The following MEP1B variants were observed in gnomAD, a reference collection of about 807,000 sequenced individuals.
MEP1B encodes N-benzoyl-L-tyrosyl-P-amino-benzoic acid hydrolase subunit beta.
A neutral mutation model predicts 84.6 loss-of-function variants in MEP1B; 80 were observed. The observed-to-expected ratio is 0.95, with a 90% CI of 0.79 to 1.14. The LOEUF (loss-of-function observed/expected upper bound fraction) is 1.14. MEP1B is among the 50% of genes most tolerant of loss of function. The probability of loss-of-function intolerance (pLI) is 0.00; values close to 1 mark genes in which losing one functional copy is unlikely to be tolerated. For missense variants in MEP1B, 766 were observed against 855.1 expected (o/e 0.90, Z 1.30); for synonymous variants, 273 against 288.1 (o/e 0.95, Z 0.53).
chr18:32,217,809 G>C lies in MEP1B; in HGVS notation c.1935G>C (p.Lys645Asn). ...GGTACATGGGAGAAAGGTGTGAAAA[G>C]AGAGGCTCCACCCGAGACACCATAG... is the stretch of plus-strand genomic sequence containing the variant. ...DWWYMGERCE[K>N]RGSTRDTIVI... is the part of the protein sequence containing the mutation. The change falls in exon 14 of 15, where the codon AAG becomes AAC. Residue 645 changes from lysine (K) to asparagine (N), a missense_variant. Transcript: ENST00000269202. 6.2e-7 allele frequency: 1 copy of C among 1,613,864 alleles called. No individual in the cohort carries two copies. The highest frequency in any genetic ancestry group is 8.5e-7 in the Non-Finnish European group (1 of 1,179,864).
intron 11 of MEP1B, among the ~76,000 whole-genome samples, chr18:32,214,016 G>T (rs904609409): frequency 6.6e-6 from 1 of 152,168 alleles, no homozygotes; most frequent in African/African-American, 2.4e-5. Flanking sequence ...CTGTGGAAAG[G>T]CCTGCGGTGG....
At chr18:32,213,060 G>T in intron 10 of MEP1B, 56 bp from the exon 11 acceptor site, 1 of 1,485,516 alleles carries the variant, frequency 6.7e-7, no homozygotes, top group South Asian at 1.2e-5. Flanking sequence ...ATCTAATGTT[G>T]ACATGTACAT....
chr18:32,208,167 T>C lies in MEP1B; in HGVS notation c.815T>C (p.Val272Ala). The change falls in exon 9 of 15, where the codon GTG becomes GCG. Residue 272 changes from valine (V) to alanine (A), a missense_variant. Physicochemically the swap from Val to Ala is moderately conservative, Grantham distance 64 (BLOSUM62 0). Coordinates refer to ENST00000269202, the MANE Select transcript of MEP1B (RefSeq NM_005925.3). ...MDSCSFELEN[V>A]CGMIQSSGDN... Reference sequence around the variant, plus strand: ...TCGTGCAGTTTTGAACTGGAAAATGTGTGTGGCATGATCCAAAGTTCAGGA... The same window carrying C: ...TCGTGCAGTTTTGAACTGGAAAATGCGTGTGGCATGATCCAAAGTTCAGGA... 1.2e-6 allele frequency: 2 copies of C among 1,614,012 alleles called. No homozygotes were observed. Among genetic ancestry groups the C allele is most frequent in the Non-Finnish European group, 1.7e-6 (2 of 1,179,882 alleles).
intron 9 of MEP1B, among the ~76,000 whole-genome samples, chr18:32,209,094 G>C (rs921133375): frequency 1.3e-5 from 2 of 152,152 alleles, no homozygotes; most frequent in African/African-American, 4.8e-5. Flanking sequence ...GTTCCCTAAT[G>C]TTGTCTCTTT....
intron 9 of MEP1B, among the ~76,000 whole-genome samples, chr18:32,209,070 G>A (rs2040995383): frequency 6.6e-6 from 1 of 152,178 alleles, no homozygotes. Context: ...ACTAATTTCT[G>A]TGGTAAGGGA....
At chr18:32,203,123 T>C (rs1181421765) in intron 6 of MEP1B, 113 bp downstream of exon 6, 5 of 583,166 alleles carry the variant, frequency 8.6e-6, no homozygotes, top group Non-Finnish European at 1.5e-5. Context: ...GGGGACTTTC[T>C]TGCTAGTTGC....
At position 32,196,337 on chromosome 18, in the gene MEP1B, C is replaced by T. The variant is rs998731613; in HGVS notation, c.250+852C>T. On this transcript the variant is annotated intron_variant, in intron 5 of 14. Coordinates refer to ENST00000269202, the MANE Select transcript of MEP1B (RefSeq NM_005925.3). The surrounding 1 kb of genome is among the most constrained non-coding windows in gnomAD (Gnocchi z 4.4). ...CCGTTGCGGTAGATCTCATGCATGG[C>T]GCGCCGCAGGGCCACGGCCAGCTGG... is the stretch of plus-strand genomic sequence containing the variant. 3.6e-5 allele frequency: 25 copies of T among 702,394 alleles called. No homozygotes were observed. The highest frequency in any genetic ancestry group is 2.5e-4 in the African/African-American group (14 of 57,108). 43.5% of individuals were successfully genotyped at this position (702,394 alleles called of 1,614,324 possible).
rs182836476 is a variant in MEP1B, at chr18:32,197,498, C to T, written c.250+2013C>T. On this transcript the variant is annotated intron_variant, in intron 5 of 14. Coordinates refer to ENST00000269202, the MANE Select transcript of MEP1B (RefSeq NM_005925.3). ...GCAGTGGCATAATCTCGGCTCACTG[C>T]AGCTTCTACCTCCCAGGTTTTGGCG... Among the ~76,000 whole-genome samples the T allele has an allele frequency of 8.5e-4, 129 of 151,078 alleles. 1 individual carries two copies. The highest frequency in any genetic ancestry group is 3.0e-3 in the African/African-American group (123 of 41,150).
chr18:32,203,268 C>A, intron 6 of MEP1B: 1 of 348,182 alleles, frequency 2.9e-6, no homozygotes. Flanking sequence ...TGAATTTCAG[C>A]CCGTTTGTAA....
chr18:32,217,241 A>G (rs776735826), intron 13 of MEP1B, 124 bp downstream of exon 13: 216 of 1,172,728 alleles, frequency 1.8e-4, no homozygotes, highest in Non-Finnish European at 2.4e-4. Flanking sequence ...ACAGCCATTC[A>G]TAGAATTTTT....
chr18:32,208,058 T>C, intron 8 of MEP1B, 61 bp from the exon 9 acceptor site: 1 of 1,564,374 alleles, frequency 6.4e-7, no homozygotes, highest in Non-Finnish European at 8.8e-7. Flanking sequence ...ATAAGTTCAG[T>C]TTTTGTTACT....
rs1286457139 is a variant in MEP1B at position 32,215,711 on chromosome 18, C to A, written c.1759+450C>A. 2.6e-5 allele frequency among the ~76,000 whole-genome samples: 4 copies of A among 152,176 alleles called. No individual in the cohort carries two copies. In the East Asian group the frequency reaches 7.7e-4, roughly 29 times the overall value. ...TGGTGGCGGGCGCCTGTAGTCCCAG[C>A]TACTCGGGAGGCTGAGGCAGGAGAA... On this transcript the variant is annotated intron_variant, in intron 12 of 14. Coordinates refer to ENST00000269202, the MANE Select transcript of MEP1B (RefSeq NM_005925.3).
In MEP1B at chr18:32,213,442, T is replaced by C. The variant is rs1219128547; in HGVS notation, c.1462T>C (p.Leu488=). 4 of 1,613,702 alleles carry C rather than the reference T, an allele frequency of 2.5e-6. No individual in the cohort carries two copies. In the South Asian group the frequency reaches 4.4e-5, roughly 18 times the overall value. The change falls in exon 11 of 15, where the codon TTA becomes CTA. Residue 488 remains leucine (L), a synonymous_variant. Coordinates refer to ENST00000269202, the MANE Select transcript of MEP1B (RefSeq NM_005925.3). ...HLISGANDDQ[L]QWPCPWQQAT... ...GATCTCTGGAGCCAATGATGATCAA[T>C]TACAGTGGCCATGTCCTTGGCAACA...
In MEP1B at chr18:32,191,743, G is replaced by A. The variant is rs915930136; in HGVS notation, c.64-79G>A. ...ATGACAAAACAAACAAACAACAAAT[G>A]GTTAGATATAAACTGAATCCAAGAA... On this transcript the variant is annotated intron_variant, in intron 1 of 14. Transcript: ENST00000269202. 7.1e-6 allele frequency: 6 copies of A among 850,824 alleles called. No homozygotes were observed. In the East Asian group the frequency reaches 8.2e-5, roughly 12 times the overall value. 52.7% of individuals were successfully genotyped at this position (850,824 alleles called of 1,614,324 possible). A position where few individuals can be genotyped will look rare whatever the true frequency, so the allele number is the denominator to read the frequency against.
At chr18:32,210,242 G>A (rs1196585002) in intron 9 of MEP1B, among the ~76,000 whole-genome samples, 1 of 152,168 alleles carries the variant, frequency 6.6e-6, no homozygotes, top group Non-Finnish European at 1.5e-5. Context: ...AGATAAGCAA[G>A]GATTAGTGCC....
chr18:32,217,046 A>C lies in MEP1B; in HGVS notation c.1815A>C (p.Gln605His), dbSNP rs771080194. The C allele has an allele frequency of 6.2e-7, 1 of 1,613,964 alleles. No individual in the cohort carries two copies. The highest frequency in any genetic ancestry group is 1.1e-5 in the South Asian group (1 of 91,076). ...QIQLTPAPSV[Q>H]DLCSKTTCKN... is the part of the protein sequence containing the mutation. ...AGCTAACACCAGCCCCTAGTGTTCA[A>C]GACCTCTGCTCAAAAACCACCTGTA... The change falls in exon 13 of 15, where the codon CAA becomes CAC. Residue 605 changes from glutamine (Q) to histidine (H), a missense_variant. Physicochemically the swap from Gln to His is conservative, Grantham distance 24. Coordinates refer to ENST00000269202, the MANE Select transcript of MEP1B (RefSeq NM_005925.3).
chr18:32,217,237 A>C lies in MEP1B; in HGVS notation c.1886+120A>C, dbSNP rs2041099909. On this transcript the variant is annotated intron_variant, in intron 13 of 14. Transcript: ENST00000269202. ...ATCAGTTGATTCTCATCTCACAGCCATTCATAGAATTTTTTTTTTATTCTC... is the reference window on the plus strand; with the variant it reads ...ATCAGTTGATTCTCATCTCACAGCCCTTCATAGAATTTTTTTTTTATTCTC... 5 of 1,181,642 alleles carry C rather than the reference A, an allele frequency of 4.2e-6. No homozygotes were observed. The South Asian group carries it at 7.8e-5, about 18-fold the overall frequency. The allele number at this position is 1,181,642 out of a possible 1,614,324, so 73.2% of individuals were successfully genotyped here.
intron 4 of MEP1B, among the ~76,000 whole-genome samples, chr18:32,194,979 T>C (rs1011916694): frequency 6.6e-6 from 1 of 152,228 alleles, no homozygotes; most frequent in Non-Finnish European, 1.5e-5. Flanking sequence ...TTTTCTATTA[T>C]ACAGTTTAAA....
chr18:32,214,376 G>T (rs1364820609), intron 11 of MEP1B, among the ~76,000 whole-genome samples: 1 of 152,152 alleles, frequency 6.6e-6, no homozygotes, highest in East Asian at 1.9e-4. Flanking sequence ...TTTGCCAAAT[G>T]TGAATTCTAT....
Sources: gnomAD v4.1 joint callset for allele counts (sites outside exome capture counted in the v4.1 genomes callset) on GRCh38, gnomAD v4.1.1 for gene constraint, Gnocchi (gnomAD v3.1) non-coding constraint, MANE v1.5 for transcripts, NCBI Gene and HGNC (gene_info 2026-07-23, HGNC 2026-07-21) for gene names.